The following SIK3 variants were observed in gnomAD, a reference collection of about 807,000 sequenced individuals.
SIK3 encodes the protein SIK family kinase 3, also known as serine/threonine-protein kinase SIK3.
Under a neutral mutation model 144.2 loss-of-function variants are expected in SIK3, and 28 were observed. The ratio of observed to expected loss-of-function variants is 0.19; its 90% CI spans 0.14 to 0.27. The LOEUF (loss-of-function observed/expected upper bound fraction) is 0.27, where lower values mean the gene tolerates loss of function less well. SIK3 is among the 10% of genes least tolerant of loss of function. The pLI is 1.00. For missense variants in SIK3, 1,319 were observed against 1,776.0 expected (o/e 0.74, Z 4.62); for synonymous variants, 686 against 676.3 (o/e 1.01, Z -0.22).
Position 116,959,113 on chromosome 11 carries a change from T to C in SIK3, c.274-2049A>G, listed in dbSNP as rs561297280. Among the ~76,000 whole-genome samples the C allele has an allele frequency of 1.2e-3, 187 of 152,222 alleles. 1 individual carries two copies. The highest frequency in any genetic ancestry group is 4.3e-3 in the African/African-American group (178 of 41,528). ...CGGAGGCCAAGGAGGGCAGACTGAT[T>C]GAGTCCAGGAGTTCAAGACCAGCAT... On this transcript the variant is annotated intron_variant, in intron 1 of 24. Transcript: ENST00000445177.
chr11:116,957,763 A>G (rs775858550), intron 1 of SIK3, among the ~76,000 whole-genome samples: 7 of 152,212 alleles, frequency 4.6e-5, no homozygotes, highest in Admixed American at 1.3e-4. Context: ...CCCAAGATTA[A>G]GTAATTTACA....
intron 3 of SIK3, 49 bp downstream of exon 3, chr11:116,953,995 G>T (rs777224288): frequency 1.3e-6 from 2 of 1,484,438 alleles, no homozygotes; most frequent in South Asian, 1.1e-5. Context: ...TTTTAGGTTT[G>T]CCATAGTGTG....
At chr11:116,988,608 C>T (rs1310076891) in intron 1 of SIK3, among the ~76,000 whole-genome samples, 1 of 151,710 alleles carries the variant, frequency 6.6e-6, no homozygotes, top group Non-Finnish European at 1.5e-5. Context: ...CAGCAAGACC[C>T]CATCTCTACA....
At chr11:116,948,230 G>A (rs1416387665) in intron 3 of SIK3, among the ~76,000 whole-genome samples, 3 of 151,840 alleles carry the variant, frequency 2.0e-5, no homozygotes. Flanking sequence ...GAGCCACCAA[G>A]CCCAGCTGAT....
At chr11:117,073,968 T>C (rs1318532123) in intron 1 of SIK3, among the ~76,000 whole-genome samples, 2 of 152,222 alleles carry the variant, frequency 1.3e-5, no homozygotes, top group Non-Finnish European at 2.9e-5. Context: ...AAGGCTAGAA[T>C]GCAGTGGCAC....
At chr11:116,967,982 A>C (rs1186664781) in intron 1 of SIK3, among the ~76,000 whole-genome samples, 1 of 152,228 alleles carries the variant, frequency 6.6e-6, no homozygotes, top group Non-Finnish European at 1.5e-5. Flanking sequence ...AGTTTCAATG[A>C]GTTCCTTATA....
Position 116,875,221 on chromosome 11 carries a change from G to A in SIK3, c.1364C>T (p.Ser455Phe). ...NLDSDEGEEP[S>F]PEALVRYLSM... is the part of the protein sequence containing the mutation. ...CAAATAGCGCACCAATGCTTCAGGG[G>A]AAGGCTCTTCACCCTCATCACTGTC... The change falls in exon 11 of 25, where the codon TCC becomes TTC. Residue 455 changes from serine (S) to phenylalanine (F), a missense_variant. This residue lies in a region of SIK3 where 167 missense variants were observed against 263.3 expected (regional missense o/e 0.63). Transcript: ENST00000445177. 6.2e-7 allele frequency: 1 copy of A among 1,614,202 alleles called. No individual in the cohort carries two copies. Among genetic ancestry groups the A allele is most frequent in the Non-Finnish European group, 8.5e-7 (1 of 1,180,042 alleles).
At chr11:116,865,156 G>A (rs1283754458) in intron 15 of SIK3, 1 of 151,224 alleles carries the variant, frequency 6.6e-6, no homozygotes, top group Non-Finnish European at 1.5e-5. Flanking sequence ...TCTACTTCAG[G>A]TTGAAGTAGA....
intron 3 of SIK3, among the ~76,000 whole-genome samples, chr11:116,941,408 TAAAA>T (rs11339061): frequency 1.4e-5 from 2 of 142,734 alleles, no homozygotes; most frequent in African/African-American, 2.5e-5. Flanking sequence ...TAAAAACATG[TAAAA>T]AAAAAAAAAA....
At chr11:117,026,296 T>C (rs1247217461) in intron 1 of SIK3, among the ~76,000 whole-genome samples, 1 of 152,158 alleles carries the variant, frequency 6.6e-6, no homozygotes, top group African/African-American at 2.4e-5. Context: ...AGGTGGGTAG[T>C]AGGCTATACC....
In SIK3 at chr11:116,879,152, TTAATC is replaced by T. The variant is rs530043268; in HGVS notation, c.866-2115_866-2111del. Among the ~76,000 whole-genome samples the T allele has an allele frequency of 6.5e-3, 992 of 152,326 alleles. 3 individuals are homozygous for T. The highest frequency in any genetic ancestry group is 0.011 in the Non-Finnish European group (721 of 68,026). On this transcript the variant is annotated intron_variant, in intron 6 of 24. Coordinates refer to ENST00000445177, the MANE Select transcript of SIK3 (RefSeq NM_001366686.3). The stretch of plus-strand genomic sequence containing the variant: ...ATGTAAATAAATATTTGTTGAGTAT[TTAATC>T]AAATGAGATTGTAATTGTGAAAATT...
chr11:116,996,498 AG>A (rs1333246963), intron 1 of SIK3, among the ~76,000 whole-genome samples: 1 of 152,166 alleles, frequency 6.6e-6, no homozygotes, highest in Non-Finnish European at 1.5e-5. Context: ...TGACAGGAGA[AG>A]GGGGAGACCC....
At chr11:116,884,712 A>G (rs1944726613) in intron 6 of SIK3, among the ~76,000 whole-genome samples, 1 of 151,372 alleles carries the variant, frequency 6.6e-6, no homozygotes, top group South Asian at 2.1e-4. Flanking sequence ...CCCGGCCTCA[A>G]ACAATCTTCC....
At chr11:116,924,627 A>G (rs1430333582) in intron 4 of SIK3, among the ~76,000 whole-genome samples, 1 of 152,184 alleles carries the variant, frequency 6.6e-6, no homozygotes, top group Admixed American at 6.5e-5. Flanking sequence ...CTCGCAGCAC[A>G]GTGGTGCACC....
intron 4 of SIK3, among the ~76,000 whole-genome samples, chr11:116,905,805 T>C (rs1945999465): frequency 6.6e-6 from 1 of 152,198 alleles, no homozygotes. Flanking sequence ...CAGTTTAAAA[T>C]TGGTTATCTT....
In SIK3 at chr11:116,863,770, G is replaced by C; in HGVS notation, c.2001C>G (p.Phe667Leu). 1.2e-6 allele frequency: 2 copies of C among 1,614,168 alleles called. No homozygotes were observed. The highest frequency in any genetic ancestry group is 1.7e-6 in the Non-Finnish European group (2 of 1,180,008). The change falls in exon 16 of 25, where the codon TTC becomes TTG. Residue 667 changes from phenylalanine to leucine, a missense_variant. This residue lies in a region of SIK3 where 77 missense variants were observed against 141.9 expected (regional missense o/e 0.54). Coordinates refer to ENST00000445177, the MANE Select transcript of SIK3 (RefSeq NM_001366686.3). ...CATCTGAGAACCGGCGCACAGGGGA[G>C]AAACGCTCCGTAGGGAGGTGCAGAG... ...SNTLHLPTERFSPVRRFSDGA... is the reference protein window; with the variant it reads ...SNTLHLPTERLSPVRRFSDGA...
At chr11:116,991,927 C>T (rs992859364) in intron 1 of SIK3, among the ~76,000 whole-genome samples, 1 of 152,098 alleles carries the variant, frequency 6.6e-6, no homozygotes, top group African/African-American at 2.4e-5. Context: ...TCATAGCATA[C>T]ATATCTATAT....
rs74794970 is a variant in SIK3 at position 116,859,599 on chromosome 11, C to T, written c.2431G>A (p.Ala811Thr). The change falls in exon 20 of 25, where the codon GCA becomes ACA. Residue 811 changes from alanine to threonine, a missense_variant. Ala to Thr is a moderately conservative substitution (Grantham distance 58). This residue lies in a region of SIK3 where 646 missense variants were observed against 763.7 expected (regional missense o/e 0.85). Coordinates refer to ENST00000445177, the MANE Select transcript of SIK3 (RefSeq NM_001366686.3). Reference sequence around the variant, plus strand: ...AAGCCTTGAAACTGGGAAGAAGATGCAGCCCCTGGAGAGAAAGGAACCTCA... The same window carrying T: ...AAGCCTTGAAACTGGGAAGAAGATGTAGCCCCTGGAGAGAAAGGAACCTCA... ...SSAMIQPHGA[A>T]SSSQFQGLPS... The T allele has an allele frequency of 4.3e-4, 689 of 1,613,184 alleles. 2 individuals are homozygous for T. In the African/African-American group the frequency reaches 8.0e-3, roughly 19 times the overall value.
chr11:116,969,016 C>T (rs971591440), intron 1 of SIK3, among the ~76,000 whole-genome samples: 3 of 152,084 alleles, frequency 2.0e-5, no homozygotes, highest in South Asian at 2.1e-4. Context: ...AGACGGCCGA[C>T]GCGGTGGCTC....
Sources: gnomAD v4.1 joint callset for allele counts (sites outside exome capture counted in the v4.1 genomes callset) on GRCh38, gnomAD v4.1.1 for gene constraint, gnomAD v4.1.1 regional missense constraint, MANE v1.5 for transcripts, NCBI Gene and HGNC (gene_info 2026-07-23, HGNC 2026-07-21) for gene names.